ARSJ: variants seen among roughly 807,000 people sequenced by gnomAD.
ARSJ encodes the protein arylsulfatase family member J.
ARSJ carries 26 observed loss-of-function variants against 35.9 expected under a neutral mutation model. The observed-to-expected ratio is 0.72, with a 90% CI of 0.53 to 1.00. ARSJ has a LOEUF of 1.00. ARSJ is among the 50% of genes least tolerant of loss of function. The pLI is 0.00. For missense variants in ARSJ, 667 were observed against 723.6 expected (o/e 0.92, Z 0.90); for synonymous variants, 294 against 267.6 (o/e 1.10, Z -0.96).
chr4:113,962,887 C>T (rs1429903585), intron 1 of ARSJ, among the ~76,000 whole-genome samples: 2 of 152,000 alleles, frequency 1.3e-5, no homozygotes, highest in African/African-American at 4.8e-5. Context: ...GCTTTGACCC[C>T]ATTTCCTCTT....
At chr4:113,929,968 T>C (rs184193576) in intron 1 of ARSJ, among the ~76,000 whole-genome samples, 2 of 152,106 alleles carry the variant, frequency 1.3e-5, no homozygotes, top group Non-Finnish European at 2.9e-5. Flanking sequence ...AAACAGTTCA[T>C]GTCAAGGGCT....
chr4:113,966,847 C>T lies in ARSJ; in HGVS notation c.398+11590G>A, dbSNP rs77593063. On this transcript the variant is annotated intron_variant, in intron 1 of 1. Coordinates refer to ENST00000315366, the MANE Select transcript of ARSJ (RefSeq NM_024590.4). ...ATCAAGCCCATTTGGGCTTTGTGCA[C>T]GGAACAATTCAGCACTCTGACAGGG... Among the ~76,000 whole-genome samples the T allele has an allele frequency of 7.6e-3, 1,150 of 152,240 alleles. 11 individuals carry two copies. The highest frequency in any genetic ancestry group is 0.026 in the African/African-American group (1,067 of 41,536).
intron 1 of ARSJ, chr4:113,943,547 G>A (rs1183251476): frequency 6.6e-6 from 1 of 152,056 alleles, no homozygotes; most frequent in Non-Finnish European, 1.5e-5. Flanking sequence ...CCCACAGGAG[G>A]AGCCAGATGA....
chr4:113,939,780 G>GTTTTT (rs761544821), intron 1 of ARSJ, among the ~76,000 whole-genome samples: 1 of 151,530 alleles, frequency 6.6e-6, no homozygotes, highest in African/African-American at 2.4e-5. Flanking sequence ...GTTTTGTTTT[G>GTTTTT]TTTTTTGTAA....
chr4:113,928,954 T>G (rs1291549362), intron 1 of ARSJ, among the ~76,000 whole-genome samples: 1 of 152,118 alleles, frequency 6.6e-6, no homozygotes, highest in Non-Finnish European at 1.5e-5. Flanking sequence ...ATTTCCAGCT[T>G]GCTCACAGTG....
At position 113,902,850 on chromosome 4, in the gene ARSJ, A is replaced by G; in HGVS notation, c.1224T>C (p.Ser408=). ...LDGYDIWETI[S]EGLRSPRVDI... ...CTACTCGGGGTGAGCGAAGACCCTC[A>G]CTTATGGTCTCCCAGATATCATAGC... Residue 408 remains serine, a synonymous_variant, in exon 2 of 2, where the codon AGT becomes AGC. Transcript: ENST00000315366. 1 of 1,613,954 alleles carries G rather than the reference A, an allele frequency of 6.2e-7. No homozygotes were observed. Among genetic ancestry groups the G allele is most frequent in the Non-Finnish European group, 8.5e-7 (1 of 1,179,970 alleles).
At chr4:113,955,130 A>G (rs1236262283) in intron 1 of ARSJ, among the ~76,000 whole-genome samples, 1 of 151,876 alleles carries the variant, frequency 6.6e-6, no homozygotes, top group East Asian at 1.9e-4. Flanking sequence ...CATCAGCAGA[A>G]GATAATGAAA....
chr4:113,913,677 C>A lies in ARSJ; in HGVS notation c.399-10002G>T, dbSNP rs565459489. On this transcript the variant is annotated intron_variant, in intron 1 of 1. Coordinates refer to ENST00000315366, the MANE Select transcript of ARSJ (RefSeq NM_024590.4). ...CATACACTCCATAAAACAAGTGTAC[C>A]CACACTGCCAAAATAATATTTGTAT... is the stretch of plus-strand genomic sequence containing the variant. Among the ~76,000 whole-genome samples the A allele has an allele frequency of 7.9e-5, 12 of 152,084 alleles. No homozygotes were observed. In the South Asian group the frequency reaches 2.3e-3, roughly 29 times the overall value.
chr4:113,967,144 G>T (rs1726945559), intron 1 of ARSJ, among the ~76,000 whole-genome samples: 1 of 152,130 alleles, frequency 6.6e-6, no homozygotes, highest in Non-Finnish European at 1.5e-5. Flanking sequence ...TTTTGAGAAA[G>T]ATAATTTTCA....
chr4:113,937,520 G>C (rs1236704233), intron 1 of ARSJ, among the ~76,000 whole-genome samples: 1 of 152,020 alleles, frequency 6.6e-6, no homozygotes, highest in African/African-American at 2.4e-5. Flanking sequence ...ATTCAACATA[G>C]TATTGGAAGT....
chr4:113,968,983 C>T (rs1456571214), intron 1 of ARSJ, among the ~76,000 whole-genome samples: 1 of 152,150 alleles, frequency 6.6e-6, no homozygotes, highest in East Asian at 1.9e-4. Context: ...GTTGTAGCCC[C>T]AGGGGTGAGT....
In ARSJ at chr4:113,974,149, G is replaced by A. The variant is rs80117919; in HGVS notation, c.398+4288C>T. On this transcript the variant is annotated intron_variant, in intron 1 of 1. Coordinates refer to ENST00000315366, the MANE Select transcript of ARSJ (RefSeq NM_024590.4). Reference sequence around the variant, plus strand: ...ACTAAAAACTAATTTCAGATGAATCGTAATCTAAATACAAAAACAAAACAA... The same window carrying A: ...ACTAAAAACTAATTTCAGATGAATCATAATCTAAATACAAAAACAAAACAA... 0.013 allele frequency among the ~76,000 whole-genome samples: 2,045 copies of A among 152,060 alleles called. 113 individuals carry two copies. The East Asian group carries it at 0.16, about 12-fold the overall frequency.
At chr4:113,958,220 G>A (rs988545458) in intron 1 of ARSJ, among the ~76,000 whole-genome samples, 4 of 151,858 alleles carry the variant, frequency 2.6e-5, no homozygotes, top group East Asian at 1.9e-4. Flanking sequence ...CTTGCCTGAC[G>A]CAACATGAAC....
intron 1 of ARSJ, among the ~76,000 whole-genome samples, chr4:113,911,741 C>G (rs539761299): frequency 5.9e-5 from 9 of 151,912 alleles, no homozygotes; most frequent in Non-Finnish European, 1.3e-4. Context: ...GCTAGAGGCA[C>G]CTGTCAGATA....
intron 1 of ARSJ, among the ~76,000 whole-genome samples, chr4:113,913,844 C>G (rs1330775059): frequency 6.6e-6 from 1 of 152,070 alleles, no homozygotes; most frequent in African/African-American, 2.4e-5. Flanking sequence ...TAAACTATTC[C>G]TGATACTACC....
intron 1 of ARSJ, among the ~76,000 whole-genome samples, chr4:113,939,585 T>A (rs1192732787): frequency 4.6e-5 from 7 of 152,012 alleles, no homozygotes; most frequent in Non-Finnish European, 7.4e-5. Flanking sequence ...GTTTCCTGAC[T>A]TTTTAATGAT....
chr4:113,969,523 T>G (rs1401332721), intron 1 of ARSJ, among the ~76,000 whole-genome samples: 1 of 152,184 alleles, frequency 6.6e-6, no homozygotes, highest in Non-Finnish European at 1.5e-5. Context: ...TAAAATTACA[T>G]AATATGTAAA....
intron 1 of ARSJ, among the ~76,000 whole-genome samples, chr4:113,973,667 G>A (rs75497413): frequency 4.6e-5 from 7 of 151,946 alleles, no homozygotes; most frequent in African/African-American, 1.2e-4. Context: ...TGTATCTCTC[G>A]CCCTCTCTCG....
intron 1 of ARSJ, among the ~76,000 whole-genome samples, chr4:113,912,889 T>A (rs942134766): frequency 1.2e-4 from 18 of 152,118 alleles, no homozygotes; most frequent in African/African-American, 3.9e-4. Context: ...AATTTACATG[T>A]AAATAAAATG....
Sources: allele counts gnomAD v4.1 joint callset (sites outside exome capture counted in the v4.1 genomes callset), GRCh38; gene constraint gnomAD v4.1.1; transcripts MANE v1.5; gene names NCBI Gene and HGNC (gene_info 2026-07-23, HGNC 2026-07-21).